Variants in VPS13C observed in about 807,000 individuals in gnomAD.
The protein encoded by VPS13C is vacuolar protein sorting 13 homolog C.
A neutral mutation model predicts 456.8 loss-of-function variants in VPS13C; 358 were observed. The observed-to-expected ratio is 0.78, with a 90% CI of 0.72 to 0.86. VPS13C has a LOEUF of 0.86. Among genes scored for constraint, VPS13C ranks in the 40% least tolerant of loss-of-function variants. VPS13C has a pLI of 0.00. For synonymous variants in VPS13C, 1,578 were observed against 1,486.7 expected (o/e 1.06, Z -1.41); for missense variants, 4,818 against 4,385.4 (o/e 1.10, Z -2.79).
chr15:61,930,657 G>C (rs929005156), intron 50 of VPS13C, among the ~76,000 whole-genome samples: 1 of 152,170 alleles, frequency 6.6e-6, no homozygotes, highest in Non-Finnish European at 1.5e-5. Context: ...ATGCGCTCGA[G>C]ATTCTATTTC....
chr15:61,868,820 T>C, intron 80 of VPS13C, 47 bp from the exon 81 acceptor site: 1 of 1,431,374 alleles, frequency 7.0e-7, no homozygotes, highest in Non-Finnish European at 9.6e-7. Flanking sequence ...TGAGAGTCTT[T>C]CAAAATAATG....
rs369352849 is a variant in VPS13C, at chr15:61,947,332, T to C, written c.4760-23A>G. On this transcript the variant is annotated intron_variant, in intron 42 of 84. Transcript: ENST00000644861. The stretch of plus-strand genomic sequence containing the variant: ...ATACTAAAAAATAATAGAAACCTTC[T>C]GATGAGCAAAGGGAAAAGATAATAC... The C allele has an allele frequency of 9.0e-5, 139 of 1,536,482 alleles. 1 individual carries two copies. The African/African-American group carries it at 1.5e-3, about 17-fold the overall frequency.
chr15:61,946,299 T>A lies in VPS13C; in HGVS notation c.4980+8A>T. The A allele has an allele frequency of 6.4e-7, 1 of 1,563,932 alleles. No homozygotes were observed. Among genetic ancestry groups the A allele is most frequent in the Non-Finnish European group, 8.6e-7 (1 of 1,161,036 alleles). On this transcript the variant is annotated splice_region_variant and intron_variant, in intron 44 of 84. Coordinates refer to ENST00000644861, the MANE Select transcript of VPS13C (RefSeq NM_020821.3). Reference sequence around the variant, plus strand: ...AAATTCCAATATAAAAATCTATTTTTTAATCACCTTTTTGTGAATGGACTG... The same window carrying A: ...AAATTCCAATATAAAAATCTATTTTATAATCACCTTTTTGTGAATGGACTG...
chr15:62,031,359 G>C (rs1448207752), intron 5 of VPS13C, among the ~76,000 whole-genome samples: 1 of 151,722 alleles, frequency 6.6e-6, no homozygotes, highest in Non-Finnish European at 1.5e-5. Context: ...TAAACAAGTA[G>C]AAAAATAAAG....
rs899399847 is a variant in VPS13C at position 61,920,254 on chromosome 15, T to C, written c.7290A>G (p.Val2430=). ...TGGGCTTCACCTTAATGGGAACACC[T>C]ACAGCATTTTTTACCGTAAAAGGAG... ...DRAPFTVKNA[V]GVPIKVKPNC... Residue 2430 remains valine (V), a synonymous_variant, in exon 57 of 85, where the codon GTA becomes GTG. Coordinates refer to ENST00000644861, the MANE Select transcript of VPS13C (RefSeq NM_020821.3). 1 of 1,613,542 alleles carries C rather than the reference T, an allele frequency of 6.2e-7. No individual in the cohort carries two copies.
intron 16 of VPS13C, among the ~76,000 whole-genome samples, chr15:61,995,316 G>C (rs548930780): frequency 2.6e-4 from 39 of 152,280 alleles, no homozygotes; most frequent in African/African-American, 9.1e-4. Flanking sequence ...TTTGGAGAGT[G>C]ACCTGCACAA....
rs1319672408 is a variant in VPS13C, at chr15:62,045,933, A to C, written c.101-1678T>G. 2.6e-5 allele frequency among the ~76,000 whole-genome samples: 4 copies of C among 152,174 alleles called. No individual in the cohort carries two copies. In the South Asian group the frequency reaches 8.3e-4, roughly 32 times the overall value. On this transcript the variant is annotated intron_variant, in intron 1 of 84. Coordinates refer to ENST00000644861, the MANE Select transcript of VPS13C (RefSeq NM_020821.3). ...GTAAAAGAATGCCCAGATTGACCTA[A>C]ATTTAAAAGTATCTATATATGCACA...
intron 43 of VPS13C, 28 bp from the exon 44 acceptor site, chr15:61,946,438 T>G: frequency 6.5e-7 from 1 of 1,538,648 alleles, no homozygotes; most frequent in Non-Finnish European, 8.8e-7. Context: ...TTTATAAACT[T>G]TTCACCCAAT....
At chr15:62,014,990 C>T (rs1048621618) in intron 9 of VPS13C, among the ~76,000 whole-genome samples, 1 of 152,082 alleles carries the variant, frequency 6.6e-6, no homozygotes, top group East Asian at 1.9e-4. Flanking sequence ...AGCAAAGATA[C>T]AAAGGGACAA....
In VPS13C at chr15:61,972,672, G is replaced by A; in HGVS notation, c.2710C>T (p.Pro904Ser). The change falls in exon 27 of 85, where the codon CCA (proline) becomes TCA (serine). Residue 904 changes from proline (P) to serine (S), a missense_variant. Pro to Ser is a moderately conservative substitution (Grantham distance 74). Around this residue, in one of 3 missense-constraint regions of VPS13C, gnomAD observed 4,552 missense variants for 4,130.6 expected, o/e 1.10. Coordinates refer to ENST00000644861, the MANE Select transcript of VPS13C (RefSeq NM_020821.3). ...AGAAGATTGATGAGCTCCTCATTTG[G>A]GACCTCTGCAGCTTTTTTAAGTTCT... The part of the protein sequence containing the change: ...GSELKKAAEV[P>S]NEELINLLLK... The A allele has an allele frequency of 6.2e-7, 1 of 1,613,222 alleles. No homozygotes were observed. Among genetic ancestry groups the A allele is most frequent in the Non-Finnish European group, 8.5e-7 (1 of 1,179,614 alleles).
intron 5 of VPS13C, among the ~76,000 whole-genome samples, chr15:62,030,581 C>A (rs11630353): frequency 0.44 from 67,045 of 151,976 alleles, 16,040 homozygotes; most frequent in Admixed American, 0.57. Flanking sequence ...CAAAAACTGC[C>A]TAACACACAC....
chr15:62,027,062 T>TAA (rs35555986), intron 6 of VPS13C, among the ~76,000 whole-genome samples: 1 of 151,332 alleles, frequency 6.6e-6, no homozygotes, highest in Non-Finnish European at 1.5e-5. Flanking sequence ...TGCTTTAGAA[T>TAA]AAAAAAAAGT....
chr15:61,977,669 G>A (rs561525928), intron 23 of VPS13C, among the ~76,000 whole-genome samples: 1 of 152,080 alleles, frequency 6.6e-6, no homozygotes, highest in East Asian at 1.9e-4. Flanking sequence ...AAAATTTCAT[G>A]ACCAAAAATG....
chr15:61,979,982 G>C (rs1174367233), intron 22 of VPS13C, among the ~76,000 whole-genome samples: 1 of 151,650 alleles, frequency 6.6e-6, no homozygotes, highest in Non-Finnish European at 1.5e-5. Flanking sequence ...TCAGGAGTTC[G>C]AGACCAGCCA....
In VPS13C at chr15:62,020,132, A is replaced by G. The variant is rs1463412197; in HGVS notation, c.684+347T>C. Among the ~76,000 whole-genome samples, 3 of 151,842 alleles carry G rather than the reference A, an allele frequency of 2.0e-5. No individual in the cohort carries two copies. In the East Asian group the frequency reaches 5.8e-4, roughly 30 times the overall value. On this transcript the variant is annotated intron_variant, in intron 9 of 84. Transcript: ENST00000644861. ...CACATACATAAACATATGCATATCT[A>G]TAAGCTATTTAGAAATTCCATCTAC... is the stretch of plus-strand genomic sequence containing the variant.
In VPS13C at chr15:62,050,636, T is replaced by C. The variant is rs554771958; in HGVS notation, c.101-6381A>G. On this transcript the variant is annotated intron_variant, in intron 1 of 84. Coordinates refer to ENST00000644861, the MANE Select transcript of VPS13C (RefSeq NM_020821.3). ...AACATGGCGAAACCCTGTCTCTACCTAAAAAATACAAAAAAATTAGCCAGG... is the reference window on the plus strand; with the variant it reads ...AACATGGCGAAACCCTGTCTCTACCCAAAAAATACAAAAAAATTAGCCAGG... Among the ~76,000 whole-genome samples the C allele has an allele frequency of 8.4e-4, 127 of 151,944 alleles. 1 individual carries two copies. The highest frequency in any genetic ancestry group is 2.8e-3 in the African/African-American group (117 of 41,482).
intron 66 of VPS13C, among the ~76,000 whole-genome samples, chr15:61,901,183 T>G (rs1166396672): frequency 1.3e-5 from 2 of 151,754 alleles, no homozygotes; most frequent in African/African-American, 4.8e-5. Flanking sequence ...ACATTACCAT[T>G]CAGGACATAG....
rs1349538524 is a variant in VPS13C at position 62,014,916 on chromosome 15, A to C, written c.685-924T>G. On this transcript the variant is annotated intron_variant, in intron 9 of 84. Coordinates refer to ENST00000644861, the MANE Select transcript of VPS13C (RefSeq NM_020821.3). ...AAAGGTCATATATTACTTAAGTATT[A>C]AAACTTGAGTAGAATCACCAGGCAG... 3.3e-5 allele frequency among the ~76,000 whole-genome samples: 5 copies of C among 152,196 alleles called. 1 individual carries two copies. The highest frequency in any genetic ancestry group is 7.3e-5 in the Non-Finnish European group (5 of 68,028).
At chr15:61,962,987 T>A (rs2045261645) in intron 32 of VPS13C, 135 bp from the exon 33 acceptor site, 2 of 539,930 alleles carry the variant, frequency 3.7e-6, no homozygotes, top group Non-Finnish European at 6.2e-6. Flanking sequence ...ATAAATAAGT[T>A]GCAATATTAG....
Sources: allele counts gnomAD v4.1 joint callset (sites outside exome capture counted in the v4.1 genomes callset), GRCh38; gene constraint gnomAD v4.1.1; regional missense constraint gnomAD v4.1.1; transcripts MANE v1.5; gene names NCBI Gene and HGNC (gene_info 2026-07-23, HGNC 2026-07-21).